The following MN1 variants were observed in gnomAD, a reference collection of about 807,000 sequenced individuals.
MN1 encodes the protein MN1 proto-oncogene, transcriptional regulator, also known as transcriptional activator MN1.
In MN1, 19 loss-of-function variants were observed where a neutral mutation model predicts 86.9. The ratio of observed to expected loss-of-function variants is 0.22; its 90% CI spans 0.15 to 0.32. The LOEUF (loss-of-function observed/expected upper bound fraction) is 0.32, where lower values mean the gene tolerates loss of function less well. Among genes scored for constraint, MN1 ranks in the 10% least tolerant of loss-of-function variants. The probability of loss-of-function intolerance (pLI) is 1.00; values close to 1 mark genes in which losing one functional copy is unlikely to be tolerated. For synonymous variants in MN1, 928 were observed against 849.6 expected (o/e 1.09, Z -1.60); for missense variants, 1,841 against 1,862.0 (o/e 0.99, Z 0.21).
intron 1 of MN1, among the ~76,000 whole-genome samples, chr22:27,788,514 G>A (rs1329634544): frequency 6.6e-6 from 1 of 152,024 alleles, no homozygotes; most frequent in Non-Finnish European, 1.5e-5. Context: ...TCCCTCAGAA[G>A]TATTTTACTC....
intron 1 of MN1, among the ~76,000 whole-genome samples, chr22:27,769,552 A>ATTTTTTTTTTTTTTTTTTTTTTTTTTT (rs58248602): frequency 1.2e-5 from 1 of 83,268 alleles, no homozygotes; most frequent in Non-Finnish European, 2.1e-5. Context: ...AAGGATGCCA[A>ATTTTTTTTTTTTTTTTTTTTTTTTTTT]TTTTTTTTTT....
chr22:27,796,620 G>A, intron 1 of MN1, 143 bp downstream of exon 1: 1 of 794,394 alleles, frequency 1.3e-6, no homozygotes, highest in Non-Finnish European at 2.0e-6. Context: ...GTAAGCAAAG[G>A]TGGGATAACC....
chr22:27,775,486 C>T (rs894917264), intron 1 of MN1, among the ~76,000 whole-genome samples: 1 of 152,202 alleles, frequency 6.6e-6, no homozygotes, highest in Non-Finnish European at 1.5e-5. Flanking sequence ...ATGGGGCTAT[C>T]TCCTGGGATG....
intron 1 of MN1, among the ~76,000 whole-genome samples, chr22:27,795,512 A>G (rs981879727): frequency 3.3e-5 from 5 of 151,982 alleles, no homozygotes; most frequent in Admixed American, 6.5e-5. Context: ...CAAGAATTGC[A>G]CTGGGGGGGG....
At chr22:27,776,759 G>A (rs1016463686) in intron 1 of MN1, among the ~76,000 whole-genome samples, 11 of 152,094 alleles carry the variant, frequency 7.2e-5, no homozygotes, top group East Asian at 1.9e-4. Flanking sequence ...CAACTCGGGC[G>A]GACGCCACAT....
intron 1 of MN1, among the ~76,000 whole-genome samples, chr22:27,761,733 C>T (rs1932836472): frequency 6.6e-6 from 1 of 152,222 alleles, no homozygotes. Context: ...CCGTTCCAGG[C>T]CCCACGAGGG....
intron 1 of MN1, among the ~76,000 whole-genome samples, chr22:27,785,895 A>G: frequency 6.6e-6 from 1 of 152,198 alleles, no homozygotes; most frequent in East Asian, 1.9e-4. Flanking sequence ...TTAAGGCCAG[A>G]CACCAATGTC....
At chr22:27,766,957 CT>C (rs1932874594) in intron 1 of MN1, among the ~76,000 whole-genome samples, 1 of 152,182 alleles carries the variant, frequency 6.6e-6, no homozygotes, top group African/African-American at 2.4e-5. Context: ...TCTTCTCCAT[CT>C]TCCTTCATCA....
chr22:27,756,756 G>GTTTTTC (rs1479345462), intron 1 of MN1, among the ~76,000 whole-genome samples: 1 of 152,090 alleles, frequency 6.6e-6, no homozygotes, highest in Non-Finnish European at 1.5e-5. Context: ...TGTTGTTGTT[G>GTTTTTC]TTTTTCTTTT....
chr22:27,753,807 C>A (rs1932785165), intron 1 of MN1, among the ~76,000 whole-genome samples: 2 of 152,154 alleles, frequency 1.3e-5, no homozygotes, highest in Non-Finnish European at 2.9e-5. Context: ...CACAGTGCCC[C>A]AACCTTTGCT....
chr22:27,784,187 G>C (rs1053699824), intron 1 of MN1, among the ~76,000 whole-genome samples: 1 of 151,522 alleles, frequency 6.6e-6, no homozygotes, highest in Non-Finnish European at 1.5e-5. Context: ...GCCAGGAGCA[G>C]GGGATGCACC....
In MN1 at chr22:27,796,998, C is replaced by G; in HGVS notation, c.3546G>C (p.Lys1182Asn). ...CTGAGGCCCCGACGGCGCACTCACC[C>G]TTCTTGCCACCCTTCAGCCCCAGAG... Reference protein sequence around the residue: ...DQPLGLKGGKKGECAVGASGA... With the variant: ...DQPLGLKGGKNGECAVGASGA... The change falls in exon 1 of 2, where the codon AAG becomes AAC. Residue 1182 changes from lysine (K) to asparagine (N), a missense_variant. Coordinates refer to ENST00000302326, the MANE Select transcript of MN1 (RefSeq NM_002430.3). 1 of 1,612,698 alleles carries G rather than the reference C, an allele frequency of 6.2e-7. No individual in the cohort carries two copies. Among genetic ancestry groups the G allele is most frequent in the Non-Finnish European group, 8.5e-7 (1 of 1,179,736 alleles).
At chr22:27,752,791 G>C (rs1932777137) in intron 1 of MN1, among the ~76,000 whole-genome samples, 1 of 152,236 alleles carries the variant, frequency 6.6e-6, no homozygotes, top group Non-Finnish European at 1.5e-5. Flanking sequence ...CTCAGTAGTA[G>C]TGAGAAAAGC....
At chr22:27,790,253 G>A (rs536373935) in intron 1 of MN1, among the ~76,000 whole-genome samples, 21 of 152,194 alleles carry the variant, frequency 1.4e-4, no homozygotes, top group Non-Finnish European at 2.2e-4. Context: ...CTCAATCCTG[G>A]TCACAAAATA....
intron 1 of MN1, among the ~76,000 whole-genome samples, chr22:27,759,458 C>T (rs192767842): frequency 9.3e-4 from 141 of 152,286 alleles, no homozygotes; most frequent in Non-Finnish European, 1.7e-3. Flanking sequence ...TGAAACTTCA[C>T]GGTTGGCTCC....
intron 1 of MN1, among the ~76,000 whole-genome samples, chr22:27,763,361 T>C (rs1932847242): frequency 6.6e-6 from 1 of 152,188 alleles, no homozygotes; most frequent in Non-Finnish European, 1.5e-5. Context: ...CTTACCCACA[T>C]AAGTTCCCAC....
chr22:27,788,974 C>A (rs1393903150), intron 1 of MN1, among the ~76,000 whole-genome samples: 1 of 152,178 alleles, frequency 6.6e-6, no homozygotes, highest in South Asian at 2.1e-4. Flanking sequence ...TCTTTAAATT[C>A]TTCTCAGCAC....
intron 1 of MN1, among the ~76,000 whole-genome samples, chr22:27,772,667 G>C (rs1932929244): frequency 6.6e-6 from 1 of 152,130 alleles, no homozygotes; most frequent in Non-Finnish European, 1.5e-5. Flanking sequence ...CTACTTCCTA[G>C]CTCCATGATC....
chr22:27,800,168 A>T lies in MN1; in HGVS notation c.376T>A (p.Ser126Thr). 1 of 1,548,364 alleles carries T rather than the reference A, an allele frequency of 6.5e-7. No individual in the cohort carries two copies. The highest frequency in any genetic ancestry group is 8.7e-7 in the Non-Finnish European group (1 of 1,151,504). ...AGCAGGCGACCCCCGTGCAGGCACG[A>T]GGCCCCGGGGTCCGGGCCACCGAAG... ...GNFGGPDPGA[S>T]CLHGGRLLGY... Residue 126 changes from serine to threonine, a missense_variant, in exon 1 of 2, where the codon TCG becomes ACG. Coordinates refer to ENST00000302326, the MANE Select transcript of MN1 (RefSeq NM_002430.3).
Sources: gnomAD v4.1 joint callset for allele counts (sites outside exome capture counted in the v4.1 genomes callset) on GRCh38, gnomAD v4.1.1 for gene constraint, MANE v1.5 for transcripts, NCBI Gene and HGNC (gene_info 2026-07-23, HGNC 2026-07-21) for gene names.